Variants in FRMPD1 observed in about 807,000 individuals in gnomAD.
The protein encoded by FRMPD1 is FERM and PDZ domain containing 1, also known as FERM and PDZ domain-containing protein 1.
Under a neutral mutation model 117.8 loss-of-function variants are expected in FRMPD1, and 76 were observed. The ratio of observed to expected loss-of-function variants is 0.65; its 90% CI spans 0.54 to 0.78. The LOEUF is 0.78. Among genes scored for constraint, FRMPD1 ranks in the 30% least tolerant of loss-of-function variants. The pLI is 0.00. For missense variants in FRMPD1, 1,786 were observed against 1,964.5 expected, an observed-to-expected ratio of 0.91 and a Z score of 1.72; for synonymous variants, 783 against 770.4, an observed-to-expected ratio of 1.02 and a Z score of -0.27.
intron 1 of FRMPD1, among the ~76,000 whole-genome samples, chr9:37,683,048 C>T (rs78859753): frequency 0.012 from 1,834 of 152,254 alleles, 32 homozygotes; most frequent in African/African-American, 0.041. Context: ...CATTTCCCTC[C>T]CCCACTGCCT....
chr9:37,700,110 A>G (rs1822480527), intron 2 of FRMPD1, among the ~76,000 whole-genome samples: 1 of 152,150 alleles, frequency 6.6e-6, no homozygotes, highest in South Asian at 2.1e-4. Flanking sequence ...TTTAGGCAAC[A>G]ATTTTTTTTT....
chr9:37,699,853 A>C (rs563273032), intron 2 of FRMPD1, among the ~76,000 whole-genome samples: 1 of 152,198 alleles, frequency 6.6e-6, no homozygotes, highest in Non-Finnish European at 1.5e-5. Flanking sequence ...ATGTGTACAC[A>C]CCCATGCATG....
chr9:37,708,519 A>G lies in FRMPD1; in HGVS notation c.362+18A>G, dbSNP rs1588946424. On this transcript the variant is annotated intron_variant, in intron 4 of 15. Transcript: ENST00000377765. ...ATTCTCAGGTACTAAATGGTCTTCC[A>G]TCATCTACAGAATTGCACAGATTAT... 2.9e-6 allele frequency: 4 copies of G among 1,357,884 alleles called. No homozygotes were observed. Among genetic ancestry groups the G allele is most frequent in the East Asian group, 2.3e-5 (1 of 43,686 alleles). The allele number at this position is 1,357,884 out of a possible 1,614,324, so 84.1% of individuals were successfully genotyped here. A position where few individuals can be genotyped will look rare whatever the true frequency, so the allele number is the denominator to read the frequency against.
chr9:37,662,655 G>A (rs1394949403), intron 1 of FRMPD1, among the ~76,000 whole-genome samples: 2 of 152,196 alleles, frequency 1.3e-5, no homozygotes, highest in Admixed American at 1.3e-4. Context: ...TGGAGACCAG[G>A]TCTTCCCAGG....
the FRMPD1 span, among the ~76,000 whole-genome samples, chr9:37,639,651 G>A: frequency 6.6e-6 from 1 of 152,186 alleles, no homozygotes. Flanking sequence ...AGGCCAGGAT[G>A]TCCATACATC....
At chr9:37,627,608 GCTACAGGCC>G in the FRMPD1 span, among the ~76,000 whole-genome samples, 8 of 152,160 alleles carry the variant, frequency 5.3e-5, no homozygotes, top group African/African-American at 1.9e-4. Context: ...GAGTAGCTTG[GCTACAGGCC>G]CATGCCACAC....
intron 15 of FRMPD1, among the ~76,000 whole-genome samples, chr9:37,741,151 A>C (rs957263442): frequency 2.6e-5 from 4 of 152,068 alleles, no homozygotes; most frequent in African/African-American, 9.7e-5. Context: ...AGAGGGGGCA[A>C]ATGGGCTGGG....
At chr9:37,678,251 C>CTTTTTTTTTTTTTTTTTTTTTTT (rs34040451) in intron 1 of FRMPD1, among the ~76,000 whole-genome samples, 1 of 79,822 alleles carries the variant, frequency 1.3e-5, no homozygotes, top group Non-Finnish European at 2.3e-5. Flanking sequence ...GTACTTACCA[C>CTTTTTTTTTTTTTTTTTTTTTTT]TTTTTTTTTT....
At chr9:37,617,227 CCATGACGA>C in the FRMPD1 span, among the ~76,000 whole-genome samples, 2 of 152,202 alleles carry the variant, frequency 1.3e-5, no homozygotes, top group Non-Finnish European at 2.9e-5. Context: ...TCCCTTTATG[CCATGACGA>C]CAAACATTCA....
At chr9:37,637,552 T>A in the FRMPD1 span, among the ~76,000 whole-genome samples, 1 of 152,314 alleles carries the variant, frequency 6.6e-6, no homozygotes, top group Non-Finnish European at 1.5e-5. Context: ...CCCTACACTC[T>A]GGCAAGCAAG....
intron 2 of FRMPD1, among the ~76,000 whole-genome samples, chr9:37,693,976 C>T (rs966024693): frequency 6.6e-6 from 1 of 152,164 alleles, no homozygotes; most frequent in Non-Finnish European, 1.5e-5. Flanking sequence ...TTGTGCTCCC[C>T]CTGGTGCATT....
At chr9:37,614,980 G>A in the FRMPD1 span, among the ~76,000 whole-genome samples, 1 of 152,174 alleles carries the variant, frequency 6.6e-6, no homozygotes, top group Non-Finnish European at 1.5e-5. Context: ...GAGGCATCTG[G>A]CCTAGACCTC....
chr9:37,699,263 T>C (rs1387248457), intron 2 of FRMPD1, among the ~76,000 whole-genome samples: 1 of 152,124 alleles, frequency 6.6e-6, no homozygotes, highest in Non-Finnish European at 1.5e-5. Context: ...TTAGAATCAT[T>C]TTATTATACT....
chr9:37,615,824 T>C, the FRMPD1 span, among the ~76,000 whole-genome samples: 2 of 152,042 alleles, frequency 1.3e-5, no homozygotes, highest in Non-Finnish European at 2.9e-5. Flanking sequence ...TGTTCTTTTT[T>C]TTTTTTGAGA....
chr9:37,726,820 C>T (rs898257053), intron 7 of FRMPD1, among the ~76,000 whole-genome samples: 16 of 152,068 alleles, frequency 1.1e-4, no homozygotes, highest in African/African-American at 3.4e-4. Flanking sequence ...CACAATGAAA[C>T]GAGGTACCGG....
At chr9:37,731,642 C>A (rs1273953073) in intron 9 of FRMPD1, among the ~76,000 whole-genome samples, 1 of 152,152 alleles carries the variant, frequency 6.6e-6, no homozygotes, top group South Asian at 2.1e-4. Context: ...GAGGCCGAGG[C>A]AGGTGGACCA....
the FRMPD1 span, among the ~76,000 whole-genome samples, chr9:37,638,030 C>CTG: frequency 1.1e-5 from 1 of 92,254 alleles, no homozygotes; most frequent in African/African-American, 4.3e-5. Context: ...CTTTCTCTCT[C>CTG]TTTCTTCCTT....
chr9:37,640,879 GTTAT>G, the FRMPD1 span, among the ~76,000 whole-genome samples: 4 of 152,096 alleles, frequency 2.6e-5, no homozygotes, highest in Non-Finnish European at 4.4e-5. Context: ...AAGTCACCAT[GTTAT>G]TTATTTATTT....
the FRMPD1 span, among the ~76,000 whole-genome samples, chr9:37,640,904 AG>A: frequency 6.6e-6 from 1 of 152,188 alleles, no homozygotes; most frequent in African/African-American, 2.4e-5. Context: ...ATTTAGAGAC[AG>A]GGTCTCGCTC....
Sources: allele counts gnomAD v4.1 joint callset (sites outside exome capture counted in the v4.1 genomes callset), GRCh38; gene constraint gnomAD v4.1.1; transcripts MANE v1.5; gene names NCBI Gene and HGNC (gene_info 2026-07-23, HGNC 2026-07-21).